ITFG1: variants seen among roughly 807,000 people sequenced by gnomAD.
The protein encoded by ITFG1 is T-cell immunomodulatory protein.
In ITFG1, 34 loss-of-function variants were observed where a neutral mutation model predicts 81.8. That is an observed-to-expected ratio of 0.42 (90% CI 0.32 to 0.55). The LOEUF is 0.55. Ranked by LOEUF, ITFG1 falls within the 20% of genes least tolerant of loss-of-function variation. The pLI is 0.17. For synonymous variants in ITFG1, 285 were observed against 270.6 expected, an observed-to-expected ratio of 1.05 and a Z score of -0.52; for missense variants, 672 against 755.4, an observed-to-expected ratio of 0.89 and a Z score of 1.29.
At chr16:47,439,752 G>A (rs983180200) in intron 5 of ITFG1, among the ~76,000 whole-genome samples, 1 of 152,144 alleles carries the variant, frequency 6.6e-6, no homozygotes, top group African/African-American at 2.4e-5. Context: ...TAAAGACCAT[G>A]AAGGTTAGGA....
At chr16:47,358,946 CG>C (rs533553555) in intron 8 of ITFG1, among the ~76,000 whole-genome samples, 1,572 of 152,060 alleles carry the variant, frequency 0.01, 10 homozygotes, top group Non-Finnish European at 0.016. Context: ...GAAAGCAGGG[CG>C]GAAGTGCTGG....
chr16:47,285,617 A>C (rs1444299305), intron 10 of ITFG1, among the ~76,000 whole-genome samples: 1 of 152,128 alleles, frequency 6.6e-6, no homozygotes, highest in Non-Finnish European at 1.5e-5. Flanking sequence ...GTTGGAACTG[A>C]ATTAGAGGAC....
At position 47,446,636 on chromosome 16, in the gene ITFG1, A is replaced by G. The variant is rs144768297; in HGVS notation, c.560+4760T>C. On this transcript the variant is annotated intron_variant, in intron 5 of 17. Coordinates refer to ENST00000320640, the MANE Select transcript of ITFG1 (RefSeq NM_030790.5). ...CTACTGTGAAACTCACTCAGGAGCTAGAACTCAGAGCTTAGGCCTCCAGAC... is the reference window on the plus strand; with the variant it reads ...CTACTGTGAAACTCACTCAGGAGCTGGAACTCAGAGCTTAGGCCTCCAGAC... Among the ~76,000 whole-genome samples the G allele has an allele frequency of 8.0e-4, 122 of 152,312 alleles. 1 individual carries two copies. Among genetic ancestry groups the G allele is most frequent in the Admixed American group, 5.4e-3 (83 of 15,294 alleles).
chr16:47,410,705 A>C (rs931374666), intron 6 of ITFG1, among the ~76,000 whole-genome samples: 1 of 152,116 alleles, frequency 6.6e-6, no homozygotes, highest in Non-Finnish European at 1.5e-5. Context: ...CGCTCTCAAC[A>C]CGAACCTCTC....
intron 6 of ITFG1, among the ~76,000 whole-genome samples, chr16:47,415,069 T>A (rs1484952681): frequency 6.6e-6 from 1 of 152,204 alleles, no homozygotes; most frequent in Non-Finnish European, 1.5e-5. Flanking sequence ...ATCAAGAATA[T>A]CAAGGGATAT....
chr16:47,205,828 TTATCTATC>T (rs58886060), intron 14 of ITFG1, among the ~76,000 whole-genome samples: 29,553 of 142,826 alleles, frequency 0.21, 3,113 homozygotes, highest in South Asian at 0.27. Context: ...TGGAATTAAA[TTATCTATC>T]TATCTATCTA....
intron 14 of ITFG1, chr16:47,218,342 T>C (rs549751092): frequency 6.6e-6 from 1 of 152,322 alleles, no homozygotes; most frequent in East Asian, 1.9e-4. Context: ...AGACATCCTT[T>C]GCTCAATCTT....
intron 6 of ITFG1, among the ~76,000 whole-genome samples, chr16:47,379,796 T>C (rs1227352787): frequency 6.6e-6 from 1 of 151,928 alleles, no homozygotes; most frequent in African/African-American, 2.4e-5. Context: ...ATAAAACACC[T>C]TTTCCCCCAC....
intron 14 of ITFG1, among the ~76,000 whole-genome samples, chr16:47,185,075 C>T (rs936290616): frequency 6.6e-5 from 10 of 151,712 alleles, no homozygotes; most frequent in Admixed American, 1.3e-4. Context: ...ACAAGAAGAG[C>T]TAACTATCCT....
intron 8 of ITFG1, among the ~76,000 whole-genome samples, chr16:47,334,804 T>C (rs1322519655): frequency 6.6e-6 from 1 of 152,212 alleles, no homozygotes; most frequent in Non-Finnish European, 1.5e-5. Context: ...ATATTATAAT[T>C]AGAAAATATT....
At chr16:47,360,879 T>C (rs75675189) in intron 8 of ITFG1, among the ~76,000 whole-genome samples, 3 of 152,304 alleles carry the variant, frequency 2.0e-5, no homozygotes, top group Non-Finnish European at 4.4e-5. Flanking sequence ...TACCAAATAT[T>C]ATAAGGCTTC....
At chr16:47,390,331 CT>C (rs1178010903) in intron 6 of ITFG1, among the ~76,000 whole-genome samples, 1 of 152,128 alleles carries the variant, frequency 6.6e-6, no homozygotes, top group Non-Finnish European at 1.5e-5. Flanking sequence ...AGTCTTTGCT[CT>C]TTATTTGGTA....
intron 10 of ITFG1, chr16:47,262,801 A>T (rs1043703805): frequency 1.3e-5 from 2 of 152,670 alleles, no homozygotes; most frequent in African/African-American, 4.8e-5. Flanking sequence ...GGGTCCAGGG[A>T]GTCCCACTGA....
At chr16:47,455,917 G>C (rs1455622629) in intron 2 of ITFG1, among the ~76,000 whole-genome samples, 2 of 151,706 alleles carry the variant, frequency 1.3e-5, no homozygotes, top group African/African-American at 4.8e-5. Context: ...AACCCAGGCA[G>C]ACTAATCAAC....
chr16:47,238,739 C>A (rs1055198915), intron 12 of ITFG1, among the ~76,000 whole-genome samples: 10 of 151,680 alleles, frequency 6.6e-5, no homozygotes, highest in African/African-American at 1.7e-4. Context: ...TCAGTGGGCA[C>A]AAATTATTTT....
chr16:47,273,790 G>GTCTATTTA (rs1555507389), intron 10 of ITFG1, among the ~76,000 whole-genome samples: 3 of 151,584 alleles, frequency 2.0e-5, no homozygotes, highest in Admixed American at 6.6e-5. Context: ...TAGTTTGTTT[G>GTCTATTTA]TTTATTTATT....
chr16:47,193,288 G>T (rs1480429866), intron 14 of ITFG1, among the ~76,000 whole-genome samples: 3 of 145,880 alleles, frequency 2.1e-5, no homozygotes, highest in Admixed American at 1.4e-4. Flanking sequence ...TCATTCTTTT[G>T]TTCTTTCTTA....
At chr16:47,386,622 C>T (rs555572039) in intron 6 of ITFG1, among the ~76,000 whole-genome samples, 17 of 152,164 alleles carry the variant, frequency 1.1e-4, no homozygotes, top group Non-Finnish European at 2.5e-4. Context: ...CTTTTGTAGG[C>T]CTTTGGTTCA....
intron 9 of ITFG1, chr16:47,311,741 G>T: frequency 5.8e-6 from 1 of 172,076 alleles, no homozygotes; most frequent in Admixed American, 6.1e-5. Context: ...TTAAAACTGT[G>T]TCACATAGAA....
Sources: allele counts gnomAD v4.1 joint callset (sites outside exome capture counted in the v4.1 genomes callset), GRCh38; gene constraint gnomAD v4.1.1; transcripts MANE v1.5; gene names NCBI Gene and HGNC (gene_info 2026-07-23, HGNC 2026-07-21).